PCDHA8: variants seen among roughly 807,000 people sequenced by gnomAD.
PCDHA8 encodes the protein protocadherin alpha-8.
Under a neutral mutation model 61.8 loss-of-function variants are expected in PCDHA8, and 53 were observed. That is an observed-to-expected ratio of 0.86 (90% CI 0.69 to 1.08). PCDHA8 has a LOEUF of 1.08. PCDHA8 is among the 50% of genes least tolerant of loss of function. PCDHA8 has a pLI of 0.00. For synonymous variants in PCDHA8, 618 were observed against 556.6 expected (o/e 1.11, Z -1.55); for missense variants, 1,293 against 1,245.0 (o/e 1.04, Z -0.58).
chr5:140,926,698 C>G, intron 1 of PCDHA8: 2 of 787,702 alleles, frequency 2.5e-6, no homozygotes, highest in Non-Finnish European at 3.6e-6. Context: ...AAGCCCGGCT[C>G]CCAGCTGGCC....
At chr5:140,943,157 C>T (rs2093427609) in intron 1 of PCDHA8, among the ~76,000 whole-genome samples, 1 of 148,876 alleles carries the variant, frequency 6.7e-6, no homozygotes, top group South Asian at 2.1e-4. Context: ...ACTCTGGAGG[C>T]TGAGGCAGGA....
chr5:140,904,940 A>G (rs368833420), intron 1 of PCDHA8, among the ~76,000 whole-genome samples: 1 of 152,136 alleles, frequency 6.6e-6, no homozygotes, highest in African/African-American at 2.4e-5. Context: ...TCTGGATATT[A>G]GTCCTTTGTC....
chr5:140,888,287 C>T (rs1371852276), intron 1 of PCDHA8, among the ~76,000 whole-genome samples: 1 of 152,072 alleles, frequency 6.6e-6, no homozygotes, highest in African/African-American at 2.4e-5. Flanking sequence ...CCCCTCTACC[C>T]CCTACCCAGG....
Position 140,980,554 on chromosome 5 carries a change from C to T in PCDHA8, c.2453+1547C>T, listed in dbSNP as rs1283128844. Among the ~76,000 whole-genome samples, 9 of 152,008 alleles carry T rather than the reference C, an allele frequency of 5.9e-5. No individual in the cohort carries two copies. The South Asian group carries it at 1.5e-3, about 25-fold the overall frequency. On this transcript the variant is annotated intron_variant, in intron 2 of 3. Transcript: ENST00000531613. ...CTGAGGCAGGAGAATCGCTTGAACC[C>T]GGGAGGCGGAAGTTGCAGTGAGCCA...
At chr5:140,977,307 G>C (rs1023836424) in intron 1 of PCDHA8, among the ~76,000 whole-genome samples, 1 of 152,186 alleles carries the variant, frequency 6.6e-6, no homozygotes, top group Admixed American at 6.5e-5. Flanking sequence ...ACAAGCTAAC[G>C]ATAGTGCTCC....
chr5:140,926,404 A>G (rs192980510), intron 1 of PCDHA8: 1 of 152,612 alleles, frequency 6.6e-6, no homozygotes, highest in African/African-American at 2.4e-5. Context: ...GTTATCAGCA[A>G]TCTGCGGGCA....
At chr5:140,867,891 G>A (rs1468636250) in intron 1 of PCDHA8, 1 of 152,016 alleles carries the variant, frequency 6.6e-6, no homozygotes, top group Non-Finnish European at 1.5e-5. Flanking sequence ...CACAATATCA[G>A]GTACTTACAG....
intron 3 of PCDHA8, among the ~76,000 whole-genome samples, chr5:140,997,147 A>G (rs545988847): frequency 5.9e-5 from 9 of 152,134 alleles, no homozygotes; most frequent in African/African-American, 2.2e-4. Context: ...CCCCCGCCAC[A>G]GTGACATCCT....
intron 1 of PCDHA8, among the ~76,000 whole-genome samples, chr5:140,894,895 A>G (rs557164845): frequency 6.6e-6 from 1 of 152,316 alleles, no homozygotes; most frequent in South Asian, 2.1e-4. Context: ...AGACCAGGAT[A>G]ATTTTCCTAT....
chr5:140,854,238 G>A (rs2043048996), intron 1 of PCDHA8: 1 of 636,222 alleles, frequency 1.6e-6, no homozygotes, highest in Non-Finnish European at 2.0e-6. Flanking sequence ...GGATATTTAT[G>A]TTATCACTTG....
intron 1 of PCDHA8, among the ~76,000 whole-genome samples, chr5:140,886,080 C>A (rs910230815): frequency 3.7e-4 from 56 of 152,268 alleles, no homozygotes; most frequent in African/African-American, 1.2e-3. Flanking sequence ...CATACCACAA[C>A]CTGGATATTG....
At chr5:140,931,471 G>GA (rs1215090719) in intron 1 of PCDHA8, among the ~76,000 whole-genome samples, 9 of 151,796 alleles carry the variant, frequency 5.9e-5, no homozygotes, top group Non-Finnish European at 1.0e-4. Context: ...AATGACAGAG[G>GA]AAAAAACAAC....
Position 140,886,416 on chromosome 5 carries a change from A to T in PCDHA8, c.2394+42701A>T, listed in dbSNP as rs184712902. Among the ~76,000 whole-genome samples, 13 of 152,286 alleles carry T rather than the reference A, an allele frequency of 8.5e-5. No homozygotes were observed. The East Asian group carries it at 2.5e-3, about 29-fold the overall frequency. ...TGCATCACAAATATGTTTTCCTCCT[A>T]TATTATTTCTATTCATTTGTTTGTA... is the stretch of plus-strand genomic sequence containing the variant. On this transcript the variant is annotated intron_variant, in intron 1 of 3. Transcript: ENST00000531613.
At chr5:140,968,017 C>A in intron 1 of PCDHA8, 1 of 1,614,216 alleles carries the variant, frequency 6.2e-7, no homozygotes, top group South Asian at 1.1e-5. Flanking sequence ...GCTTTGGAAA[C>A]TCCTATACAC....
chr5:140,922,342 A>G (rs1256854965), intron 1 of PCDHA8, among the ~76,000 whole-genome samples: 2 of 152,184 alleles, frequency 1.3e-5, no homozygotes, highest in East Asian at 3.8e-4. Flanking sequence ...GTATATTGGT[A>G]TTTTCTAGAG....
Position 140,843,369 on chromosome 5 carries a change from C to G in PCDHA8, c.2048C>G (p.Ser683Trp), listed in dbSNP as rs2150358449. 8 of 1,596,038 alleles carry G rather than the reference C, an allele frequency of 5.0e-6. 2 individuals are homozygous for G. The highest frequency in any genetic ancestry group is 2.2e-5 in the South Asian group (2 of 90,512). Residue 683 changes from serine to tryptophan, a missense_variant, in exon 1 of 4, where the codon TCG becomes TGG. Transcript: ENST00000531613. Reference protein sequence around the residue: ...GQAPKASSRQSAGVLGPEAAL... With the variant: ...GQAPKASSRQWAGVLGPEAAL... ...GCTCCAAAAGCGTCATCGAGGCAGT[C>G]GGCTGGCGTTTTGGGTCCGGAAGCG... is the stretch of plus-strand genomic sequence containing the variant.
chr5:140,899,050 G>A (rs1554188361), intron 1 of PCDHA8, among the ~76,000 whole-genome samples: 2 of 152,016 alleles, frequency 1.3e-5, no homozygotes, highest in African/African-American at 4.8e-5. Context: ...TGTATCCTGA[G>A]ACTTTGCTGA....
At chr5:140,884,396 C>A (rs2060144550) in intron 1 of PCDHA8, 2 of 1,614,012 alleles carry the variant, frequency 1.2e-6, no homozygotes, top group Middle Eastern at 1.6e-4. Flanking sequence ...GGTGTCCAGC[C>A]TGTTGGTGCT....
intron 1 of PCDHA8, chr5:140,875,535 T>C (rs1554167741): frequency 3.1e-6 from 5 of 1,614,134 alleles, no homozygotes; most frequent in Admixed American, 3.3e-5. Context: ...TTCTGCTCCT[T>C]GCAGCCTGGG....
Sources: allele counts gnomAD v4.1 joint callset (sites outside exome capture counted in the v4.1 genomes callset), GRCh38; gene constraint gnomAD v4.1.1; transcripts MANE v1.5; gene names NCBI Gene and HGNC (gene_info 2026-07-23, HGNC 2026-07-21).